Variants in SLC14A2 observed in about 807,000 individuals in gnomAD.
SLC14A2 encodes the protein urea transporter 2.
A neutral mutation model predicts 104.6 loss-of-function variants in SLC14A2; 91 were observed. The ratio of observed to expected loss-of-function variants is 0.87; its 90% CI spans 0.73 to 1.04. The LOEUF (loss-of-function observed/expected upper bound fraction) is 1.04. Ranked by LOEUF, SLC14A2 falls within the 50% of genes least tolerant of loss-of-function variation. The probability of loss-of-function intolerance (pLI) is 0.00; values close to 1 mark genes in which losing one functional copy is unlikely to be tolerated. For missense variants in SLC14A2, 1,189 were observed against 1,156.0 expected (o/e 1.03, Z -0.41); for synonymous variants, 476 against 466.4 (o/e 1.02, Z -0.27).
At chr18:45,350,994 A>G (rs2085497812) in intron 1 of SLC14A2, among the ~76,000 whole-genome samples, 1 of 152,216 alleles carries the variant, frequency 6.6e-6, no homozygotes, top group African/African-American at 2.4e-5. Context: ...ATACCAGAGA[A>G]ATCTCAGCAC....
intron 18 of SLC14A2, among the ~76,000 whole-genome samples, chr18:45,676,550 A>C (rs1057086898): frequency 1.4e-4 from 22 of 152,104 alleles, no homozygotes; most frequent in African/African-American, 5.3e-4. Context: ...CTTCCCCAGG[A>C]ACATTTGGCA....
At chr18:45,457,636 C>A (rs1421035980) in intron 1 of SLC14A2, among the ~76,000 whole-genome samples, 1 of 151,474 alleles carries the variant, frequency 6.6e-6, no homozygotes, top group Non-Finnish European at 1.5e-5. Flanking sequence ...TGGTAGTGAC[C>A]TGTTTGGGGA....
chr18:45,266,828 A>G (rs192438075), intron 1 of SLC14A2, among the ~76,000 whole-genome samples: 16 of 152,278 alleles, frequency 1.1e-4, no homozygotes, highest in African/African-American at 2.9e-4. Context: ...ACTTCTTGCT[A>G]TAGGTCAGGG....
At chr18:45,432,812 A>T (rs1208092962) in intron 1 of SLC14A2, among the ~76,000 whole-genome samples, 1 of 152,192 alleles carries the variant, frequency 6.6e-6, no homozygotes, top group Non-Finnish European at 1.5e-5. Context: ...AGCCTCAGTC[A>T]CCAAGGACTT....
intron 2 of SLC14A2, among the ~76,000 whole-genome samples, chr18:45,501,945 T>A (rs1374543437): frequency 6.6e-6 from 1 of 152,248 alleles, no homozygotes; most frequent in Non-Finnish European, 1.5e-5. Flanking sequence ...CCTGGTTTTA[T>A]GGCTCTTGAG....
intron 1 of SLC14A2, among the ~76,000 whole-genome samples, chr18:45,331,912 T>C (rs1028245348): frequency 6.6e-6 from 1 of 152,194 alleles, no homozygotes; most frequent in Admixed American, 6.5e-5. Context: ...CTTCTTGTCA[T>C]TGGAGTTCAG....
chr18:45,481,554 G>T (rs561158907), intron 1 of SLC14A2, among the ~76,000 whole-genome samples: 45 of 152,174 alleles, frequency 3.0e-4, no homozygotes, highest in Non-Finnish European at 5.4e-4. Context: ...CAACAGTAAG[G>T]GTTGCAATTT....
upstream of SLC14A2, among the ~76,000 whole-genome samples, chr18:45,210,675 A>C (rs1401567655): frequency 2.0e-5 from 3 of 152,232 alleles, no homozygotes. Flanking sequence ...ATGGACCACA[A>C]GATTGGTATT....
chr18:45,512,415 T>C (rs1421203), intron 2 of SLC14A2, among the ~76,000 whole-genome samples: 37,132 of 152,104 alleles, frequency 0.24, 4,858 homozygotes, highest in African/African-American at 0.32. Flanking sequence ...GAAAATTGCC[T>C]GATGCATACT....
At chr18:45,652,535 C>G (rs1016082095) in intron 10 of SLC14A2, among the ~76,000 whole-genome samples, 1 of 152,170 alleles carries the variant, frequency 6.6e-6, no homozygotes, top group Non-Finnish European at 1.5e-5. Context: ...GGACTTGGGC[C>G]CTTTCCCTTG....
At chr18:45,194,264 G>A in the SLC14A2 span, among the ~76,000 whole-genome samples, 1 of 152,092 alleles carries the variant, frequency 6.6e-6, no homozygotes, top group East Asian at 1.9e-4. Flanking sequence ...CAAAAACCTT[G>A]CCTTGTTCCT....
At chr18:45,269,166 C>T (rs1251426122) in intron 1 of SLC14A2, among the ~76,000 whole-genome samples, 1 of 152,010 alleles carries the variant, frequency 6.6e-6, no homozygotes, top group Non-Finnish European at 1.5e-5. Context: ...CTTTCATTTT[C>T]ACTGCTAGGG....
At chr18:45,315,645 G>C (rs2085122083) in intron 1 of SLC14A2, among the ~76,000 whole-genome samples, 1 of 152,072 alleles carries the variant, frequency 6.6e-6, no homozygotes, top group Admixed American at 6.5e-5. Context: ...CTCCTGACTG[G>C]GGGCTTGAGG....
At chr18:45,257,886 C>T (rs1001254293) in intron 1 of SLC14A2, among the ~76,000 whole-genome samples, 4 of 152,140 alleles carry the variant, frequency 2.6e-5, no homozygotes, top group African/African-American at 7.2e-5. Flanking sequence ...CATATTTGAG[C>T]CACAGAACAT....
intron 1 of SLC14A2, among the ~76,000 whole-genome samples, chr18:45,429,075 AG>A (rs1374629662): frequency 6.6e-6 from 1 of 152,252 alleles, no homozygotes; most frequent in Non-Finnish European, 1.5e-5. Flanking sequence ...AAATATTTGG[AG>A]GACCATACTC....
chr18:45,561,672 C>G (rs1006767829), intron 2 of SLC14A2, among the ~76,000 whole-genome samples: 3 of 151,994 alleles, frequency 2.0e-5, no homozygotes. Context: ...TCTTAGGTCC[C>G]ACTCCCACTC....
At chr18:45,672,378 C>T (rs2046154674) in intron 16 of SLC14A2, among the ~76,000 whole-genome samples, 1 of 152,016 alleles carries the variant, frequency 6.6e-6, no homozygotes, top group African/African-American at 2.4e-5. Flanking sequence ...AAAAATACAA[C>T]ATTAGCCAGG....
At chr18:45,349,993 C>CTA (rs1448811971) in intron 1 of SLC14A2, among the ~76,000 whole-genome samples, 1 of 152,210 alleles carries the variant, frequency 6.6e-6, no homozygotes, top group Non-Finnish European at 1.5e-5. Context: ...TATTGAGCTT[C>CTA]TACTATTTCT....
At chr18:45,353,190 A>G (rs537242095) in intron 1 of SLC14A2, among the ~76,000 whole-genome samples, 1 of 152,348 alleles carries the variant, frequency 6.6e-6, no homozygotes, top group Non-Finnish European at 1.5e-5. Flanking sequence ...GGACTCAAAT[A>G]TAGAAGTACG....
Sources: gnomAD v4.1 joint callset for allele counts (sites outside exome capture counted in the v4.1 genomes callset) on GRCh38, gnomAD v4.1.1 for gene constraint, MANE v1.5 for transcripts, NCBI Gene and HGNC (gene_info 2026-07-23, HGNC 2026-07-21) for gene names.